Variants in MEGF8 observed in about 807,000 individuals in gnomAD.
MEGF8 encodes multiple epidermal growth factor-like domains protein 8.
Under a neutral mutation model 302.9 loss-of-function variants are expected in MEGF8, and 156 were observed. That is an observed-to-expected ratio of 0.52 (90% CI 0.45 to 0.59). The LOEUF is 0.59. Among genes scored for constraint, MEGF8 ranks in the 20% least tolerant of loss-of-function variants. MEGF8 has a pLI of 0.00. For missense variants in MEGF8, 3,345 were observed against 3,964.5 expected (o/e 0.84, Z 4.20); for synonymous variants, 1,621 against 1,660.5 (o/e 0.98, Z 0.58).
intron 35 of MEGF8, 116 bp downstream of exon 35, chr19:42,363,378 T>C: frequency 1.2e-6 from 1 of 868,860 alleles, no homozygotes. Context: ...TCCATCTCCC[T>C]GGCTCTAGCT....
Position 42,352,108 on chromosome 19 carries a change from C to A in MEGF8, c.3102-100C>A. On this transcript the variant is annotated intron_variant, in intron 18 of 41. Coordinates refer to ENST00000251268, the MANE Select transcript of MEGF8 (RefSeq NM_001271938.2). The surrounding 1 kb of genome is among the most constrained non-coding windows in gnomAD (Gnocchi z 4.4). ...TCTCTTTCCAAATTTGTATTTGCAT[C>A]CCTCTCCTTCCAATTGGCCTCCTCT... 1 of 1,369,328 alleles carries A rather than the reference C, an allele frequency of 7.3e-7. No individual in the cohort carries two copies. Among genetic ancestry groups the A allele is most frequent in the South Asian group, 1.6e-5 (1 of 64,168 alleles). 84.8% of individuals were successfully genotyped at this position (1,369,328 alleles called of 1,614,324 possible).
rs749921436 is a variant in MEGF8 at position 42,353,962 on chromosome 19, C to T, written c.3949C>T (p.Pro1317Ser). Residue 1317 changes from proline to serine, a missense_variant, in exon 22 of 42, where the codon CCC becomes TCC. Coordinates refer to ENST00000251268, the MANE Select transcript of MEGF8 (RefSeq NM_001271938.2). This position sits in a 1 kb window ranked among gnomAD's most constrained non-coding sequence, Gnocchi z 6.1. ...SATEELQPCA[P>S]GTLCPPLTLT... ...CACTGAGGAGCTACAGCCCTGTGCT[C>T]CCGGGACCCTCTGTCCCCCACTCAC... The T allele has an allele frequency of 6.3e-7, 1 of 1,582,800 alleles. No individual in the cohort carries two copies. The highest frequency in any genetic ancestry group is 2.3e-5 in the East Asian group (1 of 42,764).
chr19:42,334,433 C>G (rs910177477), intron 3 of MEGF8, among the ~76,000 whole-genome samples: 5 of 151,496 alleles, frequency 3.3e-5, no homozygotes, highest in Non-Finnish European at 5.9e-5. Context: ...CTGAGGATAT[C>G]CCACTCTCAT....
At position 42,360,834 on chromosome 19, in the gene MEGF8, G is replaced by A. The variant is rs754698123; in HGVS notation, c.5548G>A (p.Gly1850Arg). The change falls in exon 32 of 42, where the codon GGG (glycine) becomes AGG (arginine). Residue 1850 changes from glycine (G) to arginine (R), a missense_variant. Physicochemically the swap from Gly to Arg is moderately radical, Grantham distance 125. Transcript: ENST00000251268. Reference sequence around the variant, plus strand: ...TGTGGCCCATGCTGTGGCAGCAGTCGGGAGCCGCCTGTATATCTCTGGGGG... The same window carrying A: ...TGTGGCCCATGCTGTGGCAGCAGTCAGGAGCCGCCTGTATATCTCTGGGGG... ...ESVAHAVAAV[G>R]SRLYISGGFG... 6.2e-6 allele frequency: 10 copies of A among 1,610,098 alleles called. No homozygotes were observed. The highest frequency in any genetic ancestry group is 5.5e-5 in the South Asian group (5 of 90,742).
At chr19:42,371,517 C>G in intron 41 of MEGF8, 35 bp downstream of exon 41, 2 of 1,612,878 alleles carry the variant, frequency 1.2e-6, no homozygotes, top group Non-Finnish European at 1.7e-6. Flanking sequence ...GGCCGAGGGC[C>G]CTACACCTTG....
Position 42,363,041 on chromosome 19 carries a change from C to T in MEGF8, c.6059-7C>T, listed in dbSNP as rs188626169. 8 of 1,610,130 alleles carry T rather than the reference C, an allele frequency of 5.0e-6. No individual in the cohort carries two copies. In the African/African-American group the frequency reaches 9.4e-5, roughly 19 times the overall value. ...CTGAGGTTCTAATCCCCGTGCCCCA[C>T]CCCCAGGGGAGACCCGCCGCATCCT... is the stretch of plus-strand genomic sequence containing the variant. On this transcript the variant is annotated splice_region_variant and splice_polypyrimidine_tract_variant and intron_variant, in intron 34 of 41. Coordinates refer to ENST00000251268, the MANE Select transcript of MEGF8 (RefSeq NM_001271938.2).
chr19:42,358,059 G>T lies in MEGF8; in HGVS notation c.5012-85G>T. The T allele has an allele frequency of 7.6e-7, 1 of 1,320,162 alleles. No homozygotes were observed. 81.8% of individuals were successfully genotyped at this position (1,320,162 alleles called of 1,614,324 possible). ...CAGTCTCAGGGCCGGGGAAGGGAGT[G>T]GTCACCGAACAGGGGACCGGGAGGT... On this transcript the variant is annotated intron_variant, in intron 28 of 41. Transcript: ENST00000251268. This position sits in a 1 kb window ranked among gnomAD's most constrained non-coding sequence, Gnocchi z 4.4.
chr19:42,334,247 C>T (rs2039092971), intron 3 of MEGF8, 34 bp downstream of exon 3: 2 of 1,545,878 alleles, frequency 1.3e-6, no homozygotes, highest in Admixed American at 1.9e-5. Context: ...TCCCCTGGGG[C>T]CCTGATCTGT....
intron 8 of MEGF8, among the ~76,000 whole-genome samples, chr19:42,342,163 G>A (rs2039223797): frequency 6.6e-6 from 1 of 152,188 alleles, no homozygotes; most frequent in Non-Finnish European, 1.5e-5. Context: ...TCAGGAGTGT[G>A]ATGTTTCTGG....
chr19:42,347,099 A>C (rs1414212325), intron 12 of MEGF8, among the ~76,000 whole-genome samples: 1 of 151,976 alleles, frequency 6.6e-6, no homozygotes. Context: ...ATCTAGCTCC[A>C]GCATGGCTGC....
In MEGF8 at chr19:42,325,977, C is replaced by T. The variant is rs1412805235; in HGVS notation, c.-267C>T. On this transcript the variant is annotated 5_prime_UTR_variant, in exon 1 of 42. Transcript: ENST00000251268. Reference sequence around the variant, plus strand: ...GGAGCCCTGTGTCTATAGGGGACTCCTACGGTCCCTAGGGTTCGGCCCCGT... The same window carrying T: ...GGAGCCCTGTGTCTATAGGGGACTCTTACGGTCCCTAGGGTTCGGCCCCGT... 1 of 425,040 alleles carries T rather than the reference C, an allele frequency of 2.4e-6. No homozygotes were observed. Among genetic ancestry groups the T allele is most frequent in the African/African-American group, 2.1e-5 (1 of 48,594 alleles). The allele number at this position is 425,040 out of a possible 1,614,324, so 26.3% of individuals were successfully genotyped here.
At chr19:42,374,133 T>G (rs2039731920) in intron 41 of MEGF8, among the ~76,000 whole-genome samples, 1 of 152,160 alleles carries the variant, frequency 6.6e-6, no homozygotes, top group Non-Finnish European at 1.5e-5. Flanking sequence ...TTTGCAAGAC[T>G]GTGCTGGGGC....
In MEGF8 at chr19:42,336,252, GGA is replaced by G; in HGVS notation, c.1151_1152del (p.Gly384AlafsTer40). On this transcript the variant is annotated frameshift_variant, in exon 6 of 42. Coordinates refer to ENST00000251268, the MANE Select transcript of MEGF8 (RefSeq NM_001271938.2). LOFTEE classifies it high-confidence loss of function. This position sits in a 1 kb window ranked among gnomAD's most constrained non-coding sequence, Gnocchi z 4.8. ...GYWEQVIPAG[G>X]RPPAATGHSM... Reference sequence around the variant, plus strand: ...TTGGGAGCAGGTGATTCCGGCAGGCGGACGGCCCCCTGCTGCCACTGGCCACT... The same window carrying G: ...TTGGGAGCAGGTGATTCCGGCAGGCGCGGCCCCCTGCTGCCACTGGCCACT... 6.2e-7 allele frequency: 1 copy of G among 1,607,336 alleles called. No homozygotes were observed. Among genetic ancestry groups the G allele is most frequent in the Non-Finnish European group, 8.5e-7 (1 of 1,179,746 alleles).
rs572807624 is a variant in MEGF8, at chr19:42,369,016, C to T, written c.6641+14C>T. 26 of 1,611,880 alleles carry T rather than the reference C, an allele frequency of 1.6e-5. No homozygotes were observed. The highest frequency in any genetic ancestry group is 1.3e-4 in the African/African-American group (10 of 75,060). ...TACCATGGACAAGTGAGGCCGCAGG[C>T]GGCGCTGGGGCCAGGCAGGCTAGGG... is the stretch of plus-strand genomic sequence containing the variant. On this transcript the variant is annotated intron_variant, in intron 37 of 41. Transcript: ENST00000251268. The surrounding 1 kb of genome is among the most constrained non-coding windows in gnomAD (Gnocchi z 5.7).
At position 42,351,579 on chromosome 19, in the gene MEGF8, G is replaced by T; in HGVS notation, c.2987+19G>T. 1.2e-6 allele frequency: 2 copies of T among 1,605,902 alleles called. No individual in the cohort carries two copies. The highest frequency in any genetic ancestry group is 2.3e-5 in the East Asian group (1 of 44,398). On this transcript the variant is annotated intron_variant, in intron 17 of 41. Transcript: ENST00000251268. This position sits in a 1 kb window ranked among gnomAD's most constrained non-coding sequence, Gnocchi z 5.6. The stretch of plus-strand genomic sequence containing the variant: ...ACGACAGGTATGGTCCCTGGGGCAG[G>T]GCTAACAGAGGAAGATTCCCCACCG...
Position 42,376,949 on chromosome 19 carries a change from G to A in MEGF8, c.*174G>A, listed in dbSNP as rs1568581281. 3 of 625,326 alleles carry A rather than the reference G, an allele frequency of 4.8e-6. No homozygotes were observed. Among genetic ancestry groups the A allele is most frequent in the Non-Finnish European group, 5.0e-6 (2 of 404,036 alleles). The allele number at this position is 625,326 out of a possible 1,614,324, so 38.7% of individuals were successfully genotyped here. The stretch of plus-strand genomic sequence containing the variant: ...GTTCTGCATTCAGCAGCTATTTATC[G>A]AGTACCTACTCTGTCAGGCACTGTC... On this transcript the variant is annotated 3_prime_UTR_variant, in exon 42 of 42. Coordinates refer to ENST00000251268, the MANE Select transcript of MEGF8 (RefSeq NM_001271938.2). This position sits in a 1 kb window ranked among gnomAD's most constrained non-coding sequence, Gnocchi z 8.2.
intron 8 of MEGF8, 135 bp from the exon 9 acceptor site, chr19:42,343,342 A>T (rs2039241257): frequency 2.2e-6 from 2 of 896,248 alleles, no homozygotes; most frequent in Non-Finnish European, 3.2e-6. Flanking sequence ...GGGCTGGGAG[A>T]GTGTCCTTGG....
In MEGF8 at chr19:42,351,109, C is replaced by G. The variant is rs758522564; in HGVS notation, c.2737-107C>G. The G allele has an allele frequency of 1.1e-5, 11 of 975,402 alleles. No individual in the cohort carries two copies. In the South Asian group the frequency reaches 1.8e-4, roughly 16 times the overall value. The allele number at this position is 975,402 out of a possible 1,614,324, so 60.4% of individuals were successfully genotyped here. On this transcript the variant is annotated intron_variant, in intron 15 of 41. Coordinates refer to ENST00000251268, the MANE Select transcript of MEGF8 (RefSeq NM_001271938.2). The surrounding 1 kb of genome is among the most constrained non-coding windows in gnomAD (Gnocchi z 5.6). The stretch of plus-strand genomic sequence containing the variant: ...CGCAGGCAGCTGGGGAGGGAGATGG[C>G]CTTACAGGGACAGTCTGCAGGGTGG...
chr19:42,345,914 G>C (rs2039282696), intron 12 of MEGF8, among the ~76,000 whole-genome samples: 1 of 152,050 alleles, frequency 6.6e-6, no homozygotes, highest in Non-Finnish European at 1.5e-5. Flanking sequence ...TGTTGTTGTT[G>C]TTGAGACAGA....
Sources: allele counts gnomAD v4.1 joint callset (sites outside exome capture counted in the v4.1 genomes callset), GRCh38; gene constraint gnomAD v4.1.1; non-coding constraint Gnocchi (gnomAD v3.1); transcripts MANE v1.5; gene names NCBI Gene and HGNC (gene_info 2026-07-23, HGNC 2026-07-21).